Variants in FANCC observed in about 807,000 individuals in gnomAD.
The protein encoded by FANCC is Fanconi anemia group C protein.
In FANCC, 55 loss-of-function variants were observed where a neutral mutation model predicts 71.3. That is an observed-to-expected ratio of 0.77 (90% CI 0.62 to 0.97). The LOEUF is 0.97. FANCC is among the 50% of genes least tolerant of loss of function. The probability of loss-of-function intolerance (pLI) is 0.00; values close to 1 mark genes in which losing one functional copy is unlikely to be tolerated. For missense variants in FANCC, 678 were observed against 670.9 expected (o/e 1.01, Z -0.12); for synonymous variants, 275 against 244.9 (o/e 1.12, Z -1.15).
intron 4 of FANCC, among the ~76,000 whole-genome samples, chr9:95,231,715 T>C (rs80265374): frequency 0.029 from 4,463 of 152,292 alleles, 102 homozygotes; most frequent in Admixed American, 0.042. Flanking sequence ...GTGATTAACC[T>C]AAAGAGGAAT....
chr9:95,215,797 T>C (rs964303779), intron 4 of FANCC, among the ~76,000 whole-genome samples: 4 of 152,222 alleles, frequency 2.6e-5, no homozygotes, highest in African/African-American at 9.6e-5. Flanking sequence ...TCAGGAAAAC[T>C]AGGGAGTAAG....
intron 1 of FANCC, chr9:95,292,609 G>C (rs914558177): frequency 6.7e-5 from 97 of 1,454,940 alleles, no homozygotes; most frequent in Non-Finnish European, 7.9e-5. Context: ...CGCGGCTGCC[G>C]CAAGATCCTG....
chr9:95,256,450 G>A (rs532253316), intron 1 of FANCC, among the ~76,000 whole-genome samples: 5 of 152,268 alleles, frequency 3.3e-5, no homozygotes, highest in African/African-American at 1.2e-4. Flanking sequence ...TTTCATAAGC[G>A]AAGGAGAAAT....
At chr9:95,109,067 A>G (rs999900260) in intron 13 of FANCC, among the ~76,000 whole-genome samples, 1 of 152,018 alleles carries the variant, frequency 6.6e-6, no homozygotes. Context: ...ACATTACCAT[A>G]CCTGGCTAAT....
intron 4 of FANCC, among the ~76,000 whole-genome samples, chr9:95,191,327 C>CTTTTTT (rs71366278): frequency 3.7e-5 from 2 of 53,956 alleles, no homozygotes; most frequent in African/African-American, 7.8e-5. Context: ...ATCCTACTTC[C>CTTTTTT]TTTTTTTTTT....
chr9:95,109,164 G>A (rs1356751844), intron 13 of FANCC, among the ~76,000 whole-genome samples: 1 of 151,982 alleles, frequency 6.6e-6, no homozygotes, highest in East Asian at 1.9e-4. Flanking sequence ...CGGCCACCTC[G>A]GCCTTCCAAA....
chr9:95,163,900 T>A lies in FANCC; in HGVS notation c.521+7179A>T, dbSNP rs189980137. On this transcript the variant is annotated intron_variant, in intron 6 of 14. Transcript: ENST00000289081. ...ACCCCAAAAAAACCATACCCATCTA[T>A]GAACATGGGATATCTTTTTATTTAT... Among the ~76,000 whole-genome samples the A allele has an allele frequency of 7.4e-3, 1,130 of 152,312 alleles. 8 individuals carry two copies. Among genetic ancestry groups the A allele is most frequent in the Non-Finnish European group, 0.01 (702 of 68,016 alleles).
rs7850958 is a variant in FANCC at position 95,174,077 on chromosome 9, A to G, written c.346-1930T>C. ...CATCACTGTCTTAGTCTGTGCTGCT[A>G]TGGCAAAGTACCTCAGACTGGGTCA... On this transcript the variant is annotated intron_variant, in intron 4 of 14. Coordinates refer to ENST00000289081, the MANE Select transcript of FANCC (RefSeq NM_000136.3). Among the ~76,000 whole-genome samples the G allele has an allele frequency of 0.46, 69,531 of 151,958 alleles. 16,107 individuals are homozygous for G. The highest frequency in any genetic ancestry group is 0.58 in the East Asian group (3,008 of 5,178).
chr9:95,119,014 C>G (rs771885879), intron 10 of FANCC, among the ~76,000 whole-genome samples: 2 of 152,172 alleles, frequency 1.3e-5, no homozygotes, highest in Non-Finnish European at 2.9e-5. Context: ...TACCATCTTA[C>G]GCCCACCAGC....
intron 4 of FANCC, among the ~76,000 whole-genome samples, chr9:95,183,683 A>C (rs1049671424): frequency 6.6e-6 from 1 of 152,164 alleles, no homozygotes. Flanking sequence ...ATGTACTTTC[A>C]TTGGCTACGG....
rs1163862977 is a variant in FANCC, at chr9:95,271,967, C to T, written c.-78-22598G>A. 9.8e-5 allele frequency among the ~76,000 whole-genome samples: 6 copies of T among 61,110 alleles called. No individual in the cohort carries two copies. In the South Asian group the frequency reaches 1.5e-3, roughly 15 times the overall value. 40.1% of individuals were successfully genotyped at this position (61,110 alleles called of 152,430 possible). The stretch of plus-strand genomic sequence containing the variant: ...TTTTTTTTTTTTTGAGATGGAGTCT[C>T]GCTCTGTCGCCCAGGCTGGAGTGCA... On this transcript the variant is annotated intron_variant, in intron 1 of 14. Coordinates refer to ENST00000289081, the MANE Select transcript of FANCC (RefSeq NM_000136.3).
At chr9:95,189,346 G>C (rs1325202348) in intron 4 of FANCC, among the ~76,000 whole-genome samples, 1 of 152,196 alleles carries the variant, frequency 6.6e-6, no homozygotes, top group Non-Finnish European at 1.5e-5. Flanking sequence ...AAGTCTGTGA[G>C]TGGGAAGGAA....
chr9:95,184,773 T>A (rs1277961008), intron 4 of FANCC, among the ~76,000 whole-genome samples: 1 of 152,236 alleles, frequency 6.6e-6, no homozygotes, highest in African/African-American at 2.4e-5. Context: ...GGCAGCATCA[T>A]TCTGTTTATA....
At chr9:95,282,429 C>T (rs2136272800) in intron 1 of FANCC, among the ~76,000 whole-genome samples, 2 of 152,170 alleles carry the variant, frequency 1.3e-5, no homozygotes, top group Middle Eastern at 3.4e-3. Flanking sequence ...CACCTAAATA[C>T]ATAAAGCCAA....
At position 95,126,595 on chromosome 9, in the gene FANCC, A is replaced by G. The variant is rs759280421; in HGVS notation, c.844-14T>C. On this transcript the variant is annotated splice_polypyrimidine_tract_variant and intron_variant, in intron 8 of 14. Transcript: ENST00000289081. ...GGCTGCTTGAGGCTGTAAAAGGAGA[A>G]GACCATGAGAATGTGAAATATCACA... 9 of 1,613,704 alleles carry G rather than the reference A, an allele frequency of 5.6e-6. No individual in the cohort carries two copies. Among genetic ancestry groups the G allele is most frequent in the Admixed American group, 1.7e-5 (1 of 60,006 alleles).
At chr9:95,185,204 T>A (rs1372627110) in intron 4 of FANCC, among the ~76,000 whole-genome samples, 1 of 152,214 alleles carries the variant, frequency 6.6e-6, no homozygotes, top group African/African-American at 2.4e-5. Flanking sequence ...AACTTACAAA[T>A]TAAGAATTAA....
chr9:95,108,203 G>T (rs1173360305), intron 13 of FANCC, among the ~76,000 whole-genome samples: 6 of 152,186 alleles, frequency 3.9e-5, no homozygotes, highest in Non-Finnish European at 7.3e-5. Flanking sequence ...AGTACACTGG[G>T]TGTGTTGTGT....
At chr9:95,267,402 A>G (rs2136199493) in intron 1 of FANCC, among the ~76,000 whole-genome samples, 1 of 152,264 alleles carries the variant, frequency 6.6e-6, no homozygotes, top group Non-Finnish European at 1.5e-5. Context: ...CTAGTTCTGC[A>G]CCCAGGCTCC....
At chr9:95,159,717 T>A (rs1830642273) in intron 6 of FANCC, among the ~76,000 whole-genome samples, 1 of 152,232 alleles carries the variant, frequency 6.6e-6, no homozygotes, top group Non-Finnish European at 1.5e-5. Context: ...TTTTTAATGA[T>A]CGCCATTCTA....
Sources: gnomAD v4.1 joint callset for allele counts (sites outside exome capture counted in the v4.1 genomes callset) on GRCh38, gnomAD v4.1.1 for gene constraint, MANE v1.5 for transcripts, NCBI Gene and HGNC (gene_info 2026-07-23, HGNC 2026-07-21) for gene names.